OR2M4: variants seen among roughly 807,000 people sequenced by gnomAD.
OR2M4 encodes olfactory receptor 2M4.
A neutral mutation model predicts 13.7 loss-of-function variants in OR2M4; 8 were observed. The observed-to-expected ratio is 0.58, with a 90% CI of 0.34 to 1.05. The LOEUF is 1.05. Ranked by LOEUF, OR2M4 falls within the 50% of genes least tolerant of loss-of-function variation. The pLI, the probability that OR2M4 is intolerant of heterozygous loss-of-function variation, is 0.02. For missense variants in OR2M4, 374 were observed against 381.6 expected (o/e 0.98, Z 0.17); for synonymous variants, 152 against 141.3 (o/e 1.08, Z -0.53).
chr1:248,239,525 T>G lies in OR2M4; in HGVS notation c.597T>G (p.Leu199=), dbSNP rs1233930478. ...AAACATCTGCATTTGAAAGACTACT[T>G]GTCATTTGTTGTGTGGTAATGCTAA... ...CTETSAFERL[L]VICCVVMLIF... Residue 199 remains leucine (L), a synonymous_variant, in exon 2 of 2, where the codon CTT becomes CTG. Transcript: ENST00000641868. The G allele has an allele frequency of 2.5e-6, 4 of 1,613,974 alleles. No individual in the cohort carries two copies. The highest frequency in any genetic ancestry group is 1.7e-6 in the Non-Finnish European group (2 of 1,180,000).
At chr1:248,237,721 A>G (rs550034052) in intron 1 of OR2M4, among the ~76,000 whole-genome samples, 3 of 152,338 alleles carry the variant, frequency 2.0e-5, no homozygotes, top group African/African-American at 7.2e-5. Context: ...CATACATCAA[A>G]TTAATAAGAG....
At chr1:248,234,220 C>T (rs1666534121) in intron 1 of OR2M4, among the ~76,000 whole-genome samples, 1 of 152,028 alleles carries the variant, frequency 6.6e-6, no homozygotes, top group Admixed American at 6.6e-5. Flanking sequence ...TTGTAGTGCT[C>T]CCTGCTCCAC....
At position 248,240,873 on chromosome 1, in the gene OR2M4, T is replaced by A. The variant is rs1247477070; in HGVS notation, c.*1009T>A. The A allele has an allele frequency of 6.6e-6, 1 of 152,192 alleles. No homozygotes were observed. The highest frequency in any genetic ancestry group is 6.5e-5 in the Admixed American group (1 of 15,276). 9.4% of individuals were successfully genotyped at this position (152,192 alleles called of 1,614,324 possible). On this transcript the variant is annotated 3_prime_UTR_variant, in exon 2 of 2. Transcript: ENST00000641868. ...AGGCTTTGAGCTCAGTGCTGTCCTG[T>A]AAGAGCAGAAAGGAAAACCAGATAA... is the stretch of plus-strand genomic sequence containing the variant.
Position 248,239,206 on chromosome 1 carries a change from C to A in OR2M4, c.278C>A (p.Ser93Tyr). The A allele has an allele frequency of 1.1e-5, 18 of 1,614,164 alleles. No individual in the cohort carries two copies. The highest frequency in any genetic ancestry group is 1.5e-5 in the Non-Finnish European group (18 of 1,180,012). Reference sequence around the variant, plus strand: ...TACTTGTCTGGGAAGAAATCTATCTCTCTGGCAGGTTGTGGAACTCAGATA... The same window carrying A: ...TACTTGTCTGGGAAGAAATCTATCTATCTGGCAGGTTGTGGAACTCAGATA... The part of the protein sequence containing the change: ...FSYLSGKKSI[S>Y]LAGCGTQIFF... The change falls in exon 2 of 2, where the codon TCT becomes TAT. Residue 93 changes from serine to tyrosine, a missense_variant. Coordinates refer to ENST00000641868, the MANE Select transcript of OR2M4 (RefSeq NM_017504.2).
chr1:248,239,505 T>C lies in OR2M4; in HGVS notation c.577T>C (p.Ser193Pro), dbSNP rs1666593631. The C allele has an allele frequency of 1.9e-6, 3 of 1,614,142 alleles. No individual in the cohort carries two copies. Among genetic ancestry groups the C allele is most frequent in the Admixed American group, 1.7e-5 (1 of 60,028 alleles). Residue 193 changes from serine (S) to proline (P), a missense_variant, in exon 2 of 2, where the codon TCT (serine) becomes CCT (proline). Ser to Pro is a moderately conservative substitution (Grantham distance 74). Coordinates refer to ENST00000641868, the MANE Select transcript of OR2M4 (RefSeq NM_017504.2). ...ALLPLSCTET[S>P]AFERLLVICC... ...TTTACCTCTATCCTGCACAGAAACA[T>C]CTGCATTTGAAAGACTACTTGTCAT...
chr1:248,239,486 T>A lies in OR2M4; in HGVS notation c.558T>A (p.Pro186=), dbSNP rs1666593348. ...HFFCDVAALL[P]LSCTETSAFE... is the part of the protein sequence containing the mutation. Reference sequence around the variant, plus strand: ...TCTGTGATGTTGCTGCCCTTTTACCTCTATCCTGCACAGAAACATCTGCAT... The same window carrying A: ...TCTGTGATGTTGCTGCCCTTTTACCACTATCCTGCACAGAAACATCTGCAT... Residue 186 remains proline, a synonymous_variant, in exon 2 of 2, where the codon CCT becomes CCA. Coordinates refer to ENST00000641868, the MANE Select transcript of OR2M4 (RefSeq NM_017504.2). 2 of 1,614,014 alleles carry A rather than the reference T, an allele frequency of 1.2e-6. No individual in the cohort carries two copies. Among genetic ancestry groups the A allele is most frequent in the Non-Finnish European group, 1.7e-6 (2 of 1,180,010 alleles).
chr1:248,234,291 T>TTTA (rs1553299084), intron 1 of OR2M4, among the ~76,000 whole-genome samples: 5 of 151,930 alleles, frequency 3.3e-5, no homozygotes, highest in African/African-American at 1.2e-4. Flanking sequence ...TTTTTTTTTT[T>TTTA]AATTTGTATT....
At position 248,242,842 on chromosome 1, in the gene OR2M4, G is replaced by T. The variant is rs1285875633; in HGVS notation, c.*2978G>T. On this transcript the variant is annotated 3_prime_UTR_variant, in exon 2 of 2. Coordinates refer to ENST00000641868, the MANE Select transcript of OR2M4 (RefSeq NM_017504.2). ...CATTTGATTTTACACATAATATGCA[G>T]AAAAAAGTAATTTTAATATGCAATT... 6.6e-6 allele frequency: 1 copy of T among 152,044 alleles called. No individual in the cohort carries two copies. Among genetic ancestry groups the T allele is most frequent in the East Asian group, 1.9e-4 (1 of 5,200 alleles). 9.4% of individuals were successfully genotyped at this position (152,044 alleles called of 1,614,324 possible).
intron 1 of OR2M4, among the ~76,000 whole-genome samples, chr1:248,234,307 A>G (rs2103021732): frequency 6.6e-6 from 1 of 151,282 alleles, no homozygotes; most frequent in Admixed American, 6.6e-5. Context: ...GTATTTTATT[A>G]TAGGTTCCAG....
chr1:248,239,895 T>C lies in OR2M4; in HGVS notation c.*31T>C, dbSNP rs771584024. 5.2e-6 allele frequency: 7 copies of C among 1,339,002 alleles called. No homozygotes were observed. Among genetic ancestry groups the C allele is most frequent in the Non-Finnish European group, 6.1e-6 (6 of 977,130 alleles). The allele number at this position is 1,339,002 out of a possible 1,614,324, so 82.9% of individuals were successfully genotyped here. A position where few individuals can be genotyped will look rare whatever the true frequency, so the allele number is the denominator to read the frequency against. ...TCAAAATCTTTTTGAGTGCCTACTG[T>C]GGTCAACACTCATTCAAAAAAACTG... On this transcript the variant is annotated 3_prime_UTR_variant, in exon 2 of 2. Coordinates refer to ENST00000641868, the MANE Select transcript of OR2M4 (RefSeq NM_017504.2).
At chr1:248,231,956 A>G (rs1666509556) in intron 1 of OR2M4, among the ~76,000 whole-genome samples, 1 of 152,170 alleles carries the variant, frequency 6.6e-6, no homozygotes, top group African/African-American at 2.4e-5. Context: ...TGGTGGATCT[A>G]CACCTCAACA....
intron 1 of OR2M4, among the ~76,000 whole-genome samples, chr1:248,237,654 C>A (rs548722329): frequency 2.0e-5 from 3 of 151,958 alleles, no homozygotes; most frequent in African/African-American, 4.8e-5. Flanking sequence ...TCTGTCCCCC[C>A]CAAAAACAAA....
Position 248,239,064 on chromosome 1 carries a change from G to A in OR2M4, c.136G>A (p.Val46Ile). The A allele has an allele frequency of 6.2e-7, 1 of 1,613,838 alleles. No individual in the cohort carries two copies. The highest frequency in any genetic ancestry group is 8.5e-7 in the Non-Finnish European group (1 of 1,179,926). Residue 46 changes from valine (V) to isoleucine (I), a missense_variant, in exon 2 of 2, where the codon GTT becomes ATT. Physicochemically the swap from Val to Ile is conservative, Grantham distance 29 (BLOSUM62 3). Coordinates refer to ENST00000641868, the MANE Select transcript of OR2M4 (RefSeq NM_017504.2). ...GGCATTGATGGAAAATATTTCCATG[G>A]TTCTCCTCATCTACATAGAGAAACA... ...SLALMENISMVLLIYIEKQLH... is the reference protein window; with the variant it reads ...SLALMENISMILLIYIEKQLH...
At chr1:248,238,318 A>C (rs1328361388) in intron 1 of OR2M4, among the ~76,000 whole-genome samples, 3 of 152,204 alleles carry the variant, frequency 2.0e-5, no homozygotes, top group Admixed American at 1.3e-4. Flanking sequence ...ATAAGACAAG[A>C]CTTCACGACT....
chr1:248,239,423 A>G lies in OR2M4; in HGVS notation c.495A>G (p.Ser165=), dbSNP rs151247106. ...TCATAGTGCTTGCAGCTGTCCTGTC[A>G]TTTTCTTACTGCAGCTCTCTGGAAA... is the stretch of plus-strand genomic sequence containing the variant. ...DGIIVLAAVL[S]FSYCSSLEIH... The change falls in exon 2 of 2, where the codon TCA becomes TCG. Residue 165 remains serine (S), a synonymous_variant. Coordinates refer to ENST00000641868, the MANE Select transcript of OR2M4 (RefSeq NM_017504.2). The G allele has an allele frequency of 4.6e-5, 75 of 1,613,792 alleles. No homozygotes were observed. In the African/African-American group the frequency reaches 6.7e-4, roughly 14 times the overall value.
At position 248,239,892 on chromosome 1, in the gene OR2M4, C is replaced by A; in HGVS notation, c.*28C>A. ...TTATCAAAATCTTTTTGAGTGCCTACTGTGGTCAACACTCATTCAAAAAAA... is the reference window on the plus strand; with the variant it reads ...TTATCAAAATCTTTTTGAGTGCCTAATGTGGTCAACACTCATTCAAAAAAA... On this transcript the variant is annotated 3_prime_UTR_variant, in exon 2 of 2. Transcript: ENST00000641868. 1 of 1,397,412 alleles carries A rather than the reference C, an allele frequency of 7.2e-7. No individual in the cohort carries two copies. Among genetic ancestry groups the A allele is most frequent in the Non-Finnish European group, 9.8e-7 (1 of 1,021,492 alleles). 86.6% of individuals were successfully genotyped at this position (1,397,412 alleles called of 1,614,324 possible).
At chr1:248,238,375 T>C (rs1666578843) in intron 1 of OR2M4, among the ~76,000 whole-genome samples, 1 of 152,152 alleles carries the variant, frequency 6.6e-6, no homozygotes, top group Admixed American at 6.5e-5. Flanking sequence ...TACCCTTCTC[T>C]GAACTGAAGT....
chr1:248,238,990 G>A lies in OR2M4; in HGVS notation c.62G>A (p.Ser21Asn), dbSNP rs1666585365. ...ATCCTGCTGGGAATCTTCAATCACA[G>A]TCCCACCCACACCTTCCTTTTTTCT... Reference protein sequence around the residue: ...IFILLGIFNHSPTHTFLFSLV... With the variant: ...IFILLGIFNHNPTHTFLFSLV... Residue 21 changes from serine to asparagine, a missense_variant, in exon 2 of 2, where the codon AGT becomes AAT. Transcript: ENST00000641868. 1.2e-6 allele frequency: 2 copies of A among 1,613,572 alleles called. No homozygotes were observed. The highest frequency in any genetic ancestry group is 2.2e-5 in the East Asian group (1 of 44,874).
Position 248,239,595 on chromosome 1 carries a change from C to T in OR2M4, c.667C>T (p.Arg223Ter), listed in dbSNP as rs143728385. The T allele has an allele frequency of 2.1e-4, 342 of 1,614,060 alleles. No homozygotes were observed. In the African/African-American group the frequency reaches 3.1e-3, roughly 15 times the overall value. Residue 223 changes from arginine (R) to a stop codon, truncating the protein, a stop_gained, in exon 2 of 2, where the codon CGA becomes TGA. Coordinates refer to ENST00000641868, the MANE Select transcript of OR2M4 (RefSeq NM_017504.2). LOFTEE classifies it high-confidence loss of function. ...CATACTTTCCTATTCCCATGTCCTT[C>T]GAGCCGTCATCCACATGGGCTCTGG... ...VIILSYSHVL[R>*]AVIHMGSGES...
Sources: allele counts gnomAD v4.1 joint callset (sites outside exome capture counted in the v4.1 genomes callset), GRCh38; gene constraint gnomAD v4.1.1; transcripts MANE v1.5; gene names NCBI Gene and HGNC (gene_info 2026-07-23, HGNC 2026-07-21).